TLCD4: variants seen among roughly 807,000 people sequenced by gnomAD.
TLCD4 encodes the protein TLC domain containing 4, also known as TLC domain-containing protein 4.
Under a neutral mutation model 24.2 loss-of-function variants are expected in TLCD4, and 7 were observed. The observed-to-expected ratio is 0.29, with a 90% CI of 0.16 to 0.54. The LOEUF (loss-of-function observed/expected upper bound fraction) is 0.54. TLCD4 is among the 20% of genes least tolerant of loss of function. The pLI is 0.95. For missense variants in TLCD4, 259 were observed against 313.9 expected (o/e 0.82, Z 1.32); for synonymous variants, 103 against 106.4 (o/e 0.97, Z 0.20).
At chr1:95,147,576 G>A (rs1677386261) in intron 2 of TLCD4, among the ~76,000 whole-genome samples, 1 of 152,110 alleles carries the variant, frequency 6.6e-6, no homozygotes, top group African/African-American at 2.4e-5. Context: ...CATCTATTTT[G>A]TAACACACTA....
At chr1:95,105,893 T>TCAAAAAAAAAAAAAAAAAAAAA in the TLCD4 span, among the ~76,000 whole-genome samples, 8 of 102,880 alleles carry the variant, frequency 7.8e-5, no homozygotes, top group African/African-American at 9.5e-5. Context: ...AGACTCCGTC[T>TCAAAAAAAAAAAAAAAAAAAAA]TAAAAAAAAA....
Position 95,150,229 on chromosome 1 carries a change from C to T in TLCD4, c.267C>T (p.Asn89=), listed in dbSNP as rs200020245. The change falls in exon 4 of 7, where the codon AAC becomes AAT. Residue 89 remains asparagine (N), a synonymous_variant. Transcript: ENST00000370203. ...DPLWGGPSLA[N]VNIAIASGYL... ...TCAGGGGTGGTCCATCACTTGCAAACGTGAATATTGCTATTGCCTCAGGCT... is the reference window on the plus strand; with the variant it reads ...TCAGGGGTGGTCCATCACTTGCAAATGTGAATATTGCTATTGCCTCAGGCT... 90 of 1,607,058 alleles carry T rather than the reference C, an allele frequency of 5.6e-5. No homozygotes were observed. Among genetic ancestry groups the T allele is most frequent in the South Asian group, 5.3e-4 (48 of 90,348 alleles).
At chr1:95,143,829 TAAAAA>T in intron 1 of TLCD4, 57 bp from the exon 2 acceptor site, 1 of 1,299,028 alleles carries the variant, frequency 7.7e-7, no homozygotes, top group Non-Finnish European at 9.9e-7. Context: ...TTTCTTAAAA[TAAAAA>T]AATTACTCTA....
At chr1:95,152,489 G>T (rs958248114) in intron 5 of TLCD4, among the ~76,000 whole-genome samples, 2 of 151,916 alleles carry the variant, frequency 1.3e-5, no homozygotes, top group African/African-American at 4.8e-5. Context: ...AAATGATTTT[G>T]TTATTAGAAC....
chr1:95,121,378 G>A (rs1037990074), intron 1 of TLCD4, among the ~76,000 whole-genome samples: 1 of 152,208 alleles, frequency 6.6e-6, no homozygotes, highest in African/African-American at 2.4e-5. Flanking sequence ...AGAAGTTGGA[G>A]CAGAAGCAGC....
rs1677653301 is a variant in TLCD4, at chr1:95,157,037, GAAGCAATATTCCCTAA to G, written c.399+5629_399+5644del. 2.0e-5 allele frequency among the ~76,000 whole-genome samples: 3 copies of G among 152,170 alleles called. No individual in the cohort carries two copies. In the South Asian group the frequency reaches 6.2e-4, roughly 32 times the overall value. On this transcript the variant is annotated intron_variant, in intron 5 of 6. Coordinates refer to ENST00000370203, the MANE Select transcript of TLCD4 (RefSeq NM_152487.3). ...TCAGTGGTTTCCAAAAGCAATATTG[GAAGCAATATTCCCTAA>G]AAGCAATATTGTAAATAAAAAGCTG...
upstream of TLCD4, among the ~76,000 whole-genome samples, chr1:95,114,560 A>G (rs1676393826): frequency 6.6e-6 from 1 of 152,118 alleles, no homozygotes. Flanking sequence ...TTTTGGCTGG[A>G]CATGGTAGCC....
Position 95,150,286 on chromosome 1 carries a change from A to G in TLCD4, c.304+20A>G, listed in dbSNP as rs1477194626. 1 of 1,606,792 alleles carries G rather than the reference A, an allele frequency of 6.2e-7. No individual in the cohort carries two copies. The highest frequency in any genetic ancestry group is 2.2e-5 in the East Asian group (1 of 44,748). On this transcript the variant is annotated intron_variant, in intron 4 of 6. Coordinates refer to ENST00000370203, the MANE Select transcript of TLCD4 (RefSeq NM_152487.3). ...TTTCTGGTATGTGAGATGTTGTTTT[A>G]TTGTCTAATTCCTTGTAAACTACTC... is the stretch of plus-strand genomic sequence containing the variant.
At chr1:95,144,596 T>A (rs773440527) in intron 2 of TLCD4, among the ~76,000 whole-genome samples, 21 of 120,336 alleles carry the variant, frequency 1.7e-4, no homozygotes, top group Non-Finnish European at 2.9e-4. Flanking sequence ...TTCTTTTTAG[T>A]TTTTTTTTTT....
At chr1:95,154,199 G>A (rs373776093) in intron 5 of TLCD4, among the ~76,000 whole-genome samples, 3 of 152,128 alleles carry the variant, frequency 2.0e-5, no homozygotes, top group Admixed American at 6.6e-5. Flanking sequence ...ACTAGACAAT[G>A]GGGGAATTAA....
At chr1:95,128,733 T>G (rs769640389) in intron 1 of TLCD4, among the ~76,000 whole-genome samples, 1 of 152,198 alleles carries the variant, frequency 6.6e-6, no homozygotes. Flanking sequence ...GAGAAGACTT[T>G]GTAGTCTAAG....
chr1:95,096,854 C>T, the TLCD4 span, among the ~76,000 whole-genome samples: 1 of 152,190 alleles, frequency 6.6e-6, no homozygotes, highest in Non-Finnish European at 1.5e-5. Flanking sequence ...GTGCGTCTTG[C>T]AGAGGTATGA....
chr1:95,121,190 C>G (rs1676558732), intron 1 of TLCD4: 1 of 152,206 alleles, frequency 6.6e-6, no homozygotes, highest in African/African-American at 2.4e-5. Context: ...GATATGTAAG[C>G]ACATTTCTTT....
At chr1:95,152,429 C>T (rs1677517949) in intron 5 of TLCD4, among the ~76,000 whole-genome samples, 1 of 152,010 alleles carries the variant, frequency 6.6e-6, no homozygotes, top group South Asian at 2.1e-4. Context: ...AGCACTTTGA[C>T]TTAATACTTA....
intron 5 of TLCD4, among the ~76,000 whole-genome samples, chr1:95,155,127 T>C (rs575710375): frequency 4.6e-5 from 7 of 151,888 alleles, no homozygotes; most frequent in Non-Finnish European, 1.0e-4. Flanking sequence ...CAGTAGTAGG[T>C]GCATAATTTA....
chr1:95,149,532 A>T (rs1677436955), intron 3 of TLCD4, among the ~76,000 whole-genome samples: 1 of 152,168 alleles, frequency 6.6e-6, no homozygotes, highest in African/African-American at 2.4e-5. Flanking sequence ...CTATTCATAA[A>T]TATAAAATTA....
chr1:95,149,292 A>G (rs1377741301), intron 3 of TLCD4, among the ~76,000 whole-genome samples: 1 of 152,186 alleles, frequency 6.6e-6, no homozygotes, highest in Non-Finnish European at 1.5e-5. Flanking sequence ...TAGTAATAGG[A>G]TAACATGTAA....
rs781222039 is a variant in TLCD4, at chr1:95,191,613, C to A, written c.537C>A (p.Leu179=). 5.1e-5 allele frequency: 82 copies of A among 1,614,154 alleles called. No individual in the cohort carries two copies. The highest frequency in any genetic ancestry group is 3.3e-4 in the Middle Eastern group (2 of 6,062). The change falls in exon 7 of 7, where the codon CTC becomes CTA. Residue 179 remains leucine (L), a synonymous_variant. Transcript: ENST00000370203. ...FSKAIVINGI[L]MTVVFFIVRI... ...AAGCTATCGTTATCAATGGAATACT[C>A]ATGACAGTAGTATTCTTCATCGTGC...
chr1:95,161,937 T>C (rs1677823904), intron 5 of TLCD4, among the ~76,000 whole-genome samples: 1 of 152,230 alleles, frequency 6.6e-6, no homozygotes, highest in Non-Finnish European at 1.5e-5. Flanking sequence ...TGGTCAATTT[T>C]GGAATAGTGC....
Sources: gnomAD v4.1 joint callset for allele counts (sites outside exome capture counted in the v4.1 genomes callset) on GRCh38, gnomAD v4.1.1 for gene constraint, MANE v1.5 for transcripts, NCBI Gene and HGNC (gene_info 2026-07-23, HGNC 2026-07-21) for gene names.